The following ZNF70 variants were observed in gnomAD, a reference collection of about 807,000 sequenced individuals.
ZNF70 encodes the protein zinc finger protein 70, also known as zinc finger protein N27C7-1.
ZNF70 carries 18 observed loss-of-function variants against 37.7 expected under a neutral mutation model. The ratio of observed to expected loss-of-function variants is 0.48; its 90% CI spans 0.33 to 0.71. ZNF70 has a LOEUF of 0.71. Among genes scored for constraint, ZNF70 ranks in the 30% least tolerant of loss-of-function variants. The pLI is 0.02. For synonymous variants in ZNF70, 219 were observed against 220.1 expected, an observed-to-expected ratio of 0.99 and a Z score of 0.05; for missense variants, 506 against 568.6, an observed-to-expected ratio of 0.89 and a Z score of 1.12.
At position 23,739,608 on chromosome 22, in the gene ZNF70, G is replaced by C. The variant is rs1266160156; in HGVS notation, c.*4192C>G. 1 of 150,320 alleles carries C rather than the reference G, an allele frequency of 6.7e-6. No homozygotes were observed. Among genetic ancestry groups the C allele is most frequent in the Non-Finnish European group, 1.5e-5 (1 of 67,566 alleles). 9.3% of individuals were successfully genotyped at this position (150,320 alleles called of 1,614,324 possible). ...GCTATTTTTTGTTTTTGTTGTTGTT[G>C]TTTTCCCCGAGATGGAGTCTTGCCC... On this transcript the variant is annotated 3_prime_UTR_variant, in exon 2 of 2. Coordinates refer to ENST00000341976, the MANE Select transcript of ZNF70 (RefSeq NM_021916.4).
intron 1 of ZNF70, among the ~76,000 whole-genome samples, chr22:23,745,485 G>A (rs532897848): frequency 6.5e-4 from 99 of 152,070 alleles, no homozygotes; most frequent in Non-Finnish European, 1.2e-3. Flanking sequence ...AACAGGAAGT[G>A]GGGGCTGGGT....
At position 23,743,635 on chromosome 22, in the gene ZNF70, CCCAGGG is replaced by C. The variant is rs1428432641; in HGVS notation, c.*159_*164del. Reference sequence around the variant, plus strand: ...ACCTGCTGAGAGCTGGCGTGCTTGGCCCAGGGCCACACAGGGCCTTCCTGCTAGTGG... The same window carrying C: ...ACCTGCTGAGAGCTGGCGTGCTTGGCCCACACAGGGCCTTCCTGCTAGTGG... On this transcript the variant is annotated 3_prime_UTR_variant, in exon 2 of 2. Coordinates refer to ENST00000341976, the MANE Select transcript of ZNF70 (RefSeq NM_021916.4). 3 of 1,038,752 alleles carry C rather than the reference CCCAGGG, an allele frequency of 2.9e-6. No individual in the cohort carries two copies. The highest frequency in any genetic ancestry group is 4.2e-6 in the Non-Finnish European group (3 of 718,574). 64.3% of individuals were successfully genotyped at this position (1,038,752 alleles called of 1,614,324 possible).
In ZNF70 at chr22:23,744,321, G is replaced by A; in HGVS notation, c.820C>T (p.His274Tyr). 1 of 1,613,736 alleles carries A rather than the reference G, an allele frequency of 6.2e-7. No individual in the cohort carries two copies. The highest frequency in any genetic ancestry group is 8.5e-7 in the Non-Finnish European group (1 of 1,179,904). ...CACTCGTGAGGTTTCTTTAGGGTGT[G>A]GATCTTCCGATGCTGGCTCAGGCCT... is the stretch of plus-strand genomic sequence containing the variant. Reference protein sequence around the residue: ...SSGLSQHRKIHTLKKPHECDL... With the variant: ...SSGLSQHRKIYTLKKPHECDL... The change falls in exon 2 of 2, where the codon CAC (histidine) becomes TAC (tyrosine). Residue 274 changes from histidine to tyrosine, a missense_variant. His to Tyr is a moderately conservative substitution (Grantham distance 83, BLOSUM62 2). Transcript: ENST00000341976.
At chr22:23,748,262 CAG>C (rs1449341954) in intron 1 of ZNF70, among the ~76,000 whole-genome samples, 76 of 151,398 alleles carry the variant, frequency 5.0e-4, no homozygotes, top group African/African-American at 1.6e-3. Context: ...TTTTTTGAGA[CAG>C]GGTCTCACTC....
Position 23,740,171 on chromosome 22 carries a change from G to T in ZNF70, c.*3629C>A, listed in dbSNP as rs531613214. ...TAAAAATACAAAAAATTAGCCGGGCGTGGTGGCGGGTGCCTGTAGTCCCAG... is the reference window on the plus strand; with the variant it reads ...TAAAAATACAAAAAATTAGCCGGGCTTGGTGGCGGGTGCCTGTAGTCCCAG... On this transcript the variant is annotated 3_prime_UTR_variant, in exon 2 of 2. Transcript: ENST00000341976. The T allele has an allele frequency of 6.6e-6, 1 of 151,528 alleles. No individual in the cohort carries two copies. Among genetic ancestry groups the T allele is most frequent in the African/African-American group, 2.4e-5 (1 of 41,300 alleles). 9.4% of individuals were successfully genotyped at this position (151,528 alleles called of 1,614,324 possible).
chr22:23,749,089 G>A (rs1420007329), intron 1 of ZNF70, among the ~76,000 whole-genome samples: 1 of 151,592 alleles, frequency 6.6e-6, no homozygotes, highest in African/African-American at 2.4e-5. Flanking sequence ...AAGGCCGGAC[G>A]CGGTGGCTCA....
intron 1 of ZNF70, among the ~76,000 whole-genome samples, chr22:23,749,079 A>G (rs1925231387): frequency 2.0e-5 from 3 of 151,244 alleles, no homozygotes; most frequent in Admixed American, 2.0e-4. Context: ...AAATACAAAA[A>G]AGGCCGGACG....
chr22:23,744,545 C>A lies in ZNF70; in HGVS notation c.596G>T (p.Arg199Leu). 6.2e-7 allele frequency: 1 copy of A among 1,613,152 alleles called. No homozygotes were observed. The change falls in exon 2 of 2, where the codon CGG (arginine) becomes CTG (leucine). Residue 199 changes from arginine to leucine, a missense_variant. By Grantham distance (102) the Arg-to-Leu change is moderately radical (BLOSUM62 -2). Coordinates refer to ENST00000341976, the MANE Select transcript of ZNF70 (RefSeq NM_021916.4). ...CTGGCGGAAGGCCTTCCCACACTCCCGGCACTCGTAGGGCTTCTCCCCGGT... is the reference window on the plus strand; with the variant it reads ...CTGGCGGAAGGCCTTCCCACACTCCAGGCACTCGTAGGGCTTCTCCCCGGT... ...IHTGEKPYEC[R>L]ECGKAFRQSS...
rs772540123 is a variant in ZNF70, at chr22:23,743,900, G to A, written c.1241C>T (p.Thr414Ile). The A allele has an allele frequency of 1.2e-6, 2 of 1,613,088 alleles. No individual in the cohort carries two copies. ...SALIEHYKTH[T>I]REKPYVCNLC... The stretch of plus-strand genomic sequence containing the variant: ...ATTGCACACGTAGGGCTTCTCTCTG[G>A]TGTGGGTTTTATAGTGCTCAATGAG... Residue 414 changes from threonine (T) to isoleucine (I), a missense_variant, in exon 2 of 2, where the codon ACC becomes ATC. Transcript: ENST00000341976.
Position 23,744,683 on chromosome 22 carries a change from G to C in ZNF70, c.458C>G (p.Ser153Trp). Residue 153 changes from serine to tryptophan, a missense_variant, in exon 2 of 2, where the codon TCG (serine) becomes TGG (tryptophan). Transcript: ENST00000341976. Reference protein sequence around the residue: ...RECGKAFSQSSHLLRHLVIHT... With the variant: ...RECGKAFSQSWHLLRHLVIHT... Reference sequence around the variant, plus strand: ...GATCACCAGGTGTCGGAGCAGGTGCGAGCTCTGGCTGAAGGCCTTCCCACA... The same window carrying C: ...GATCACCAGGTGTCGGAGCAGGTGCCAGCTCTGGCTGAAGGCCTTCCCACA... 6.2e-7 allele frequency: 1 copy of C among 1,613,366 alleles called. No individual in the cohort carries two copies. Among genetic ancestry groups the C allele is most frequent in the Non-Finnish European group, 8.5e-7 (1 of 1,179,774 alleles).
chr22:23,746,214 T>A (rs1048499665), intron 1 of ZNF70, among the ~76,000 whole-genome samples: 83 of 149,152 alleles, frequency 5.6e-4, no homozygotes, highest in African/African-American at 1.9e-3. Flanking sequence ...TTTTTTTTTT[T>A]TTTTTTTTTT....
chr22:23,750,819 C>A lies in ZNF70; in HGVS notation c.-188G>T, dbSNP rs975614008. 2 of 152,334 alleles carry A rather than the reference C, an allele frequency of 1.3e-5. No individual in the cohort carries two copies. Among genetic ancestry groups the A allele is most frequent in the Non-Finnish European group, 2.9e-5 (2 of 68,092 alleles). 9.4% of individuals were successfully genotyped at this position (152,334 alleles called of 1,614,324 possible). On this transcript the variant is annotated 5_prime_UTR_variant, in exon 1 of 2. Coordinates refer to ENST00000341976, the MANE Select transcript of ZNF70 (RefSeq NM_021916.4). The stretch of plus-strand genomic sequence containing the variant: ...TCTTAGTGCAGTCAAGGTTTCCTGG[C>A]TGGGGGCCCAAGAGTTGCCACGGAC...
chr22:23,749,096 C>T (rs1242519739), intron 1 of ZNF70, among the ~76,000 whole-genome samples: 2 of 151,632 alleles, frequency 1.3e-5, no homozygotes, highest in African/African-American at 4.8e-5. Flanking sequence ...GACGCGGTGG[C>T]TCACGCCTCT....
intron 1 of ZNF70, among the ~76,000 whole-genome samples, chr22:23,749,139 G>C (rs1925234019): frequency 6.6e-6 from 1 of 151,314 alleles, no homozygotes; most frequent in Admixed American, 6.6e-5. Flanking sequence ...GAGGTGGGTG[G>C]ATCATGAGGT....
In ZNF70 at chr22:23,741,202, A is replaced by C. The variant is rs1163861298; in HGVS notation, c.*2598T>G. The C allele has an allele frequency of 6.6e-6, 1 of 152,290 alleles. No homozygotes were observed. The highest frequency in any genetic ancestry group is 2.4e-5 in the African/African-American group (1 of 41,446). The allele number at this position is 152,290 out of a possible 1,614,324, so 9.4% of individuals were successfully genotyped here. ...GGATGGGGAGGGAGAAACCAAAGAT[A>C]GGTAACAGACATTTGCCAGATGATA... On this transcript the variant is annotated 3_prime_UTR_variant, in exon 2 of 2. Transcript: ENST00000341976.
At chr22:23,745,382 G>A (rs866792347) in intron 1 of ZNF70, among the ~76,000 whole-genome samples, 163 bp from the exon 2 acceptor site, 10 of 152,162 alleles carry the variant, frequency 6.6e-5, no homozygotes, top group South Asian at 4.1e-4. Context: ...TTGCTTACCA[G>A]AGACAATTGA....
chr22:23,739,981 G>A lies in ZNF70; in HGVS notation c.*3819C>T, dbSNP rs972294013. ...CAAAAAACACCACGTCAAAACTTAC[G>A]GAGTGCAGACAAAGCTGTCACTCTA... On this transcript the variant is annotated 3_prime_UTR_variant, in exon 2 of 2. Coordinates refer to ENST00000341976, the MANE Select transcript of ZNF70 (RefSeq NM_021916.4). 2.6e-5 allele frequency: 4 copies of A among 151,762 alleles called. No homozygotes were observed. The highest frequency in any genetic ancestry group is 5.9e-5 in the Non-Finnish European group (4 of 67,962). The allele number at this position is 151,762 out of a possible 1,614,324, so 9.4% of individuals were successfully genotyped here.
rs1924859444 is a variant in ZNF70, at chr22:23,740,942, G to A, written c.*2858C>T. The A allele has an allele frequency of 6.6e-6, 1 of 151,996 alleles. No homozygotes were observed. Among genetic ancestry groups the A allele is most frequent in the Admixed American group, 6.6e-5 (1 of 15,216 alleles). 9.4% of individuals were successfully genotyped at this position (151,996 alleles called of 1,614,324 possible). ...AATTAGAAAGAGAGAGGGAGGGAGA[G>A]GAGGAGAAAGTGCACATTTCAAAAT... On this transcript the variant is annotated 3_prime_UTR_variant, in exon 2 of 2. Coordinates refer to ENST00000341976, the MANE Select transcript of ZNF70 (RefSeq NM_021916.4).
chr22:23,738,969 G>A lies in ZNF70; in HGVS notation c.*4831C>T, dbSNP rs574302366. 1 of 152,178 alleles carries A rather than the reference G, an allele frequency of 6.6e-6. No individual in the cohort carries two copies. The highest frequency in any genetic ancestry group is 2.1e-4 in the South Asian group (1 of 4,818). 9.4% of individuals were successfully genotyped at this position (152,178 alleles called of 1,614,324 possible). ...CATACCCAGCTTTGTTCGATCCCTA[G>A]GGGTCTGCAACTCCTAAACCCCTAC... On this transcript the variant is annotated 3_prime_UTR_variant, in exon 2 of 2. Transcript: ENST00000341976.
Sources: gnomAD v4.1 joint callset for allele counts (sites outside exome capture counted in the v4.1 genomes callset) on GRCh38, gnomAD v4.1.1 for gene constraint, MANE v1.5 for transcripts, NCBI Gene and HGNC (gene_info 2026-07-23, HGNC 2026-07-21) for gene names.